QTMAN: variants seen among roughly 807,000 people sequenced by gnomAD.
QTMAN encodes the protein queuosine-tRNA mannosyltransferase.
chr2:144,322,281 G>C, the QTMAN span, among the ~76,000 whole-genome samples: 2 of 152,112 alleles, frequency 1.3e-5, no homozygotes, highest in African/African-American at 2.4e-5. Context: ...ATACTCCCAA[G>C]AGCTTTTGTT....
At chr2:143,998,364 C>T in the QTMAN span, among the ~76,000 whole-genome samples, 2 of 151,718 alleles carry the variant, frequency 1.3e-5, no homozygotes, top group African/African-American at 2.4e-5. Context: ...TTTGTTTAAC[C>T]AACAAATGAT....
chr2:144,060,761 G>A, the QTMAN span, among the ~76,000 whole-genome samples: 1 of 152,096 alleles, frequency 6.6e-6, no homozygotes, highest in Non-Finnish European at 1.5e-5. Flanking sequence ...GAAAATTATT[G>A]AAAATTAAGC....
the QTMAN span, among the ~76,000 whole-genome samples, chr2:144,041,210 G>GA: frequency 6.6e-6 from 1 of 152,254 alleles, no homozygotes; most frequent in South Asian, 2.1e-4. Context: ...TTCAAAAGAG[G>GA]AAAACTGTGA....
At chr2:144,147,623 C>T in the QTMAN span, among the ~76,000 whole-genome samples, 3 of 151,902 alleles carry the variant, frequency 2.0e-5, no homozygotes, top group African/African-American at 4.8e-5. Context: ...CAAGCAATGA[C>T]GCCCATTCTT....
the QTMAN span, among the ~76,000 whole-genome samples, chr2:144,157,228 G>A: frequency 5.3e-4 from 80 of 152,088 alleles, no homozygotes; most frequent in African/African-American, 1.7e-3. Flanking sequence ...TGAACTTTTG[G>A]TATAAATATG....
chr2:144,314,686 C>T, the QTMAN span, among the ~76,000 whole-genome samples: 1 of 152,244 alleles, frequency 6.6e-6, no homozygotes, highest in Admixed American at 6.5e-5. Context: ...GCACTCCAGC[C>T]TGGGTGACAG....
chr2:144,207,030 A>C, the QTMAN span, among the ~76,000 whole-genome samples: 3 of 152,214 alleles, frequency 2.0e-5, no homozygotes, highest in Non-Finnish European at 4.4e-5. Flanking sequence ...AAGCAACCAT[A>C]AACAGTCATA....
At chr2:144,047,161 C>T in the QTMAN span, among the ~76,000 whole-genome samples, 1 of 152,146 alleles carries the variant, frequency 6.6e-6, no homozygotes, top group Non-Finnish European at 1.5e-5. Flanking sequence ...ATCCCAGCTA[C>T]TCAGGAGGCT....
the QTMAN span, among the ~76,000 whole-genome samples, chr2:144,278,462 G>A: frequency 1.3e-5 from 2 of 151,824 alleles, no homozygotes; most frequent in Admixed American, 1.3e-4. Flanking sequence ...AAATTACCAT[G>A]CACCTACTAC....
At chr2:143,976,770 A>G in the QTMAN span, among the ~76,000 whole-genome samples, 12 of 152,272 alleles carry the variant, frequency 7.9e-5, no homozygotes, top group East Asian at 1.9e-3. Flanking sequence ...TGCTTTCTCT[A>G]ACCCTACAGG....
the QTMAN span, among the ~76,000 whole-genome samples, chr2:144,198,262 T>C: frequency 2.0e-5 from 3 of 152,160 alleles, no homozygotes; most frequent in African/African-American, 7.2e-5. Flanking sequence ...ATTTTCCTTT[T>C]GCTCTCTTGT....
At chr2:144,096,156 A>G in the QTMAN span, among the ~76,000 whole-genome samples, 1 of 152,240 alleles carries the variant, frequency 6.6e-6, no homozygotes, top group Non-Finnish European at 1.5e-5. Flanking sequence ...GATCTTTTGA[A>G]CAGAGGAGTC....
At chr2:143,965,843 T>C in the QTMAN span, among the ~76,000 whole-genome samples, 227 of 152,334 alleles carry the variant, frequency 1.5e-3, no homozygotes, top group Non-Finnish European at 2.6e-3. Flanking sequence ...ACTCCATTTC[T>C]ACAGAGACTA....
chr2:144,228,617 T>C, the QTMAN span, among the ~76,000 whole-genome samples: 1 of 152,138 alleles, frequency 6.6e-6, no homozygotes, highest in African/African-American at 2.4e-5. Flanking sequence ...TGTGTGAAAG[T>C]GTAAACTATG....
chr2:144,163,414 A>G, the QTMAN span, among the ~76,000 whole-genome samples: 1 of 152,232 alleles, frequency 6.6e-6, no homozygotes, highest in Non-Finnish European at 1.5e-5. Context: ...CAAGGTATGT[A>G]CATAGGCTTT....
the QTMAN span, among the ~76,000 whole-genome samples, chr2:144,238,065 C>T: frequency 6.6e-6 from 1 of 152,184 alleles, no homozygotes; most frequent in Non-Finnish European, 1.5e-5. Flanking sequence ...GACCAAGAGC[C>T]AGAATTACCC....
At chr2:144,310,952 C>T in the QTMAN span, among the ~76,000 whole-genome samples, 37 of 151,708 alleles carry the variant, frequency 2.4e-4, no homozygotes, top group African/African-American at 4.4e-4. Context: ...TATGTGTGTA[C>T]GTGAAATTTT....
chr2:144,060,285 G>A, the QTMAN span, among the ~76,000 whole-genome samples: 1 of 150,318 alleles, frequency 6.7e-6, no homozygotes, highest in Non-Finnish European at 1.5e-5. Flanking sequence ...TTTTGAGACC[G>A]AGTTTTGCTC....
chr2:144,069,020 T>A, the QTMAN span, among the ~76,000 whole-genome samples: 2 of 152,164 alleles, frequency 1.3e-5, no homozygotes, highest in African/African-American at 2.4e-5. Flanking sequence ...ACAAAGATAT[T>A]CAGCCTTTTT....
Sources: gnomAD v4.1 joint callset for allele counts (sites outside exome capture counted in the v4.1 genomes callset) on GRCh38, gnomAD v4.1.1 for gene constraint, MANE v1.5 for transcripts, NCBI Gene and HGNC (gene_info 2026-07-23, HGNC 2026-07-21) for gene names.